Variants in ADAMTS6 observed in about 807,000 individuals in gnomAD.
ADAMTS6 encodes A disintegrin and metalloproteinase with thrombospondin motifs 6.
Under a neutral mutation model 144.3 loss-of-function variants are expected in ADAMTS6, and 23 were observed. That is an observed-to-expected ratio of 0.16 (90% CI 0.11 to 0.23). ADAMTS6 has a LOEUF of 0.23. ADAMTS6 is among the 10% of genes least tolerant of loss of function. The pLI, the probability that ADAMTS6 is intolerant of heterozygous loss-of-function variation, is 1.00. For synonymous variants in ADAMTS6, 444 were observed against 457.5 expected (o/e 0.97, Z 0.38); for missense variants, 999 against 1,379.6 (o/e 0.72, Z 4.37).
At chr5:65,182,830 A>C (rs1250694786) in intron 22 of ADAMTS6, among the ~76,000 whole-genome samples, 1 of 152,222 alleles carries the variant, frequency 6.6e-6, no homozygotes, top group African/African-American at 2.4e-5. Flanking sequence ...TAACAGAGGT[A>C]CAGAGATTTT....
intron 13 of ADAMTS6, 115 bp from the exon 14 acceptor site, chr5:65,260,778 A>T: frequency 1.4e-6 from 1 of 691,886 alleles, no homozygotes; most frequent in South Asian, 2.6e-5. Flanking sequence ...ATATCATTTG[A>T]CATGTTTTAA....
chr5:65,302,088 TC>T, intron 9 of ADAMTS6, among the ~76,000 whole-genome samples: 1 of 92,354 alleles, frequency 1.1e-5, no homozygotes, highest in African/African-American at 5.6e-5. Flanking sequence ...CAAGGCTCTG[TC>T]TCCAAAAAAA....
intron 11 of ADAMTS6, among the ~76,000 whole-genome samples, chr5:65,282,318 TATC>T (rs1451838655): frequency 6.6e-6 from 1 of 152,100 alleles, no homozygotes; most frequent in Non-Finnish European, 1.5e-5. Context: ...AAAGAGTTAT[TATC>T]TAAAGACCTG....
At chr5:65,401,519 C>A (rs564389812) in intron 7 of ADAMTS6, among the ~76,000 whole-genome samples, 1 of 152,134 alleles carries the variant, frequency 6.6e-6, no homozygotes, top group African/African-American at 2.4e-5. Context: ...TAGTCAAGCT[C>A]CTACAGGTAC....
At chr5:65,182,279 T>C (rs1326631945) in intron 22 of ADAMTS6, among the ~76,000 whole-genome samples, 1 of 151,560 alleles carries the variant, frequency 6.6e-6, no homozygotes, top group Non-Finnish European at 1.5e-5. Flanking sequence ...AAACCCTGTC[T>C]CTACTAAAAA....
intron 12 of ADAMTS6, among the ~76,000 whole-genome samples, chr5:65,265,794 A>G (rs1254687179): frequency 6.6e-6 from 1 of 151,984 alleles, no homozygotes. Flanking sequence ...TTTTCAGATG[A>G]GGACACCAGA....
chr5:65,333,569 G>A (rs904341555), intron 8 of ADAMTS6, among the ~76,000 whole-genome samples: 13 of 150,986 alleles, frequency 8.6e-5, no homozygotes, highest in Non-Finnish European at 1.5e-4. Flanking sequence ...ACCAAAAAAA[G>A]TATTGTTCTT....
chr5:65,434,815 T>C (rs1347379759), intron 7 of ADAMTS6, among the ~76,000 whole-genome samples: 1 of 152,210 alleles, frequency 6.6e-6, no homozygotes, highest in Admixed American at 6.5e-5. Flanking sequence ...AATCACATTG[T>C]AGAGCACTTA....
intron 7 of ADAMTS6, among the ~76,000 whole-genome samples, chr5:65,438,896 T>A (rs1360813364): frequency 1.5e-4 from 23 of 152,220 alleles, no homozygotes; most frequent in Admixed American, 1.5e-3. Flanking sequence ...GTGCGAACTC[T>A]AGAATTTCTG....
intron 11 of ADAMTS6, among the ~76,000 whole-genome samples, chr5:65,279,983 T>G (rs1018000436): frequency 3.3e-5 from 5 of 152,246 alleles, no homozygotes; most frequent in Non-Finnish European, 5.9e-5. Flanking sequence ...TGCACCTTCA[T>G]TTATTTCTAT....
At chr5:65,293,044 T>C (rs889309457) in intron 10 of ADAMTS6, among the ~76,000 whole-genome samples, 2 of 152,096 alleles carry the variant, frequency 1.3e-5, no homozygotes, top group Admixed American at 1.3e-4. Flanking sequence ...TATAAGGATA[T>C]GCAAACTTTA....
chr5:65,171,033 A>G (rs1441979247), intron 23 of ADAMTS6, among the ~76,000 whole-genome samples: 1 of 150,074 alleles, frequency 6.7e-6, no homozygotes, highest in Non-Finnish European at 1.5e-5. Flanking sequence ...TTTTTGAGAC[A>G]GAGTCTCGCT....
intron 14 of ADAMTS6, among the ~76,000 whole-genome samples, chr5:65,245,736 T>A (rs186072096): frequency 6.6e-6 from 1 of 152,280 alleles, no homozygotes; most frequent in East Asian, 1.9e-4. Context: ...TAGTAAATAT[T>A]TTAGGCTTTG....
chr5:65,439,402 C>T (rs1757702833), intron 7 of ADAMTS6, among the ~76,000 whole-genome samples: 1 of 151,674 alleles, frequency 6.6e-6, no homozygotes, highest in Non-Finnish European at 1.5e-5. Context: ...TAAACTTTTC[C>T]AATATTTGGA....
intron 12 of ADAMTS6, among the ~76,000 whole-genome samples, chr5:65,268,619 A>G (rs534077510): frequency 6.6e-6 from 1 of 152,256 alleles, no homozygotes; most frequent in South Asian, 2.1e-4. Context: ...TTCAGACCAT[A>G]TGGTTCTTAT....
At chr5:65,468,974 C>G (rs556956758) in intron 3 of ADAMTS6, among the ~76,000 whole-genome samples, 26 of 151,708 alleles carry the variant, frequency 1.7e-4, no homozygotes, top group Admixed American at 1.3e-3. Flanking sequence ...AATTCCTCTC[C>G]AATCCAGCTC....
At chr5:65,405,744 C>T (rs1043987569) in intron 7 of ADAMTS6, among the ~76,000 whole-genome samples, 6 of 152,264 alleles carry the variant, frequency 3.9e-5, no homozygotes, top group Middle Eastern at 3.4e-3. Context: ...GGCACTATGG[C>T]CATTTTCACG....
intron 24 of ADAMTS6, among the ~76,000 whole-genome samples, chr5:65,161,566 C>T (rs1752782763): frequency 6.6e-6 from 1 of 152,178 alleles, no homozygotes; most frequent in Non-Finnish European, 1.5e-5. Flanking sequence ...AACTGCTCCA[C>T]ACAACACATT....
intron 12 of ADAMTS6, among the ~76,000 whole-genome samples, chr5:65,270,877 G>A (rs1396189577): frequency 6.6e-6 from 1 of 152,042 alleles, no homozygotes; most frequent in Non-Finnish European, 1.5e-5. Flanking sequence ...CCAAAGACAG[G>A]GTAAAGGGCA....
Sources: gnomAD v4.1 joint callset for allele counts (sites outside exome capture counted in the v4.1 genomes callset) on GRCh38, gnomAD v4.1.1 for gene constraint, MANE v1.5 for transcripts, NCBI Gene and HGNC (gene_info 2026-07-23, HGNC 2026-07-21) for gene names.